The following FOXP1 variants were observed in gnomAD, a reference collection of about 807,000 sequenced individuals.
The protein encoded by FOXP1 is forkhead box protein P1.
Under a neutral mutation model 98.2 loss-of-function variants are expected in FOXP1, and 15 were observed. That is an observed-to-expected ratio of 0.15 (90% CI 0.10 to 0.24). The LOEUF (loss-of-function observed/expected upper bound fraction) is 0.24, where lower values mean the gene tolerates loss of function less well. FOXP1 is among the 10% of genes least tolerant of loss of function. FOXP1 has a pLI of 1.00. For missense variants in FOXP1, 633 were observed against 848.5 expected, an observed-to-expected ratio of 0.75 and a Z score of 3.15; for synonymous variants, 371 against 314.5, an observed-to-expected ratio of 1.18 and a Z score of -1.90.
At chr3:71,014,310 C>T (rs1045585710) in intron 12 of FOXP1, among the ~76,000 whole-genome samples, 1 of 152,142 alleles carries the variant, frequency 6.6e-6, no homozygotes, top group African/African-American at 2.4e-5. Flanking sequence ...AATCAAACAA[C>T]CCCATCAAAA....
At chr3:70,964,932 C>T (rs1000665329) in intron 20 of FOXP1, among the ~76,000 whole-genome samples, 1 of 152,198 alleles carries the variant, frequency 6.6e-6, no homozygotes, top group Non-Finnish European at 1.5e-5. Context: ...GTCATAATTT[C>T]CATTCCGATC....
At chr3:71,148,038 T>C (rs903134262) in intron 6 of FOXP1, among the ~76,000 whole-genome samples, 2 of 152,132 alleles carry the variant, frequency 1.3e-5, no homozygotes, top group African/African-American at 4.8e-5. Context: ...TAAATCAATA[T>C]GGAAATAAAT....
At chr3:70,973,445 C>G (rs1359485310) in intron 17 of FOXP1, among the ~76,000 whole-genome samples, 8 of 152,142 alleles carry the variant, frequency 5.3e-5, no homozygotes, top group Non-Finnish European at 1.2e-4. Flanking sequence ...GGTTAAAAGT[C>G]CTTTCTGGCC....
chr3:71,112,417 C>T, intron 7 of FOXP1, 119 bp downstream of exon 7: 1 of 856,610 alleles, frequency 1.2e-6, no homozygotes, highest in Non-Finnish European at 1.9e-6. Flanking sequence ...ACCAAAAATG[C>T]ACTTTCCACA....
chr3:71,433,854 G>T (rs768005402), intron 3 of FOXP1, among the ~76,000 whole-genome samples: 11 of 152,192 alleles, frequency 7.2e-5, no homozygotes, highest in Non-Finnish European at 8.8e-5. Context: ...TACCTGCATT[G>T]TCTGCCATCC....
At chr3:71,137,844 G>A (rs1356222275) in intron 6 of FOXP1, among the ~76,000 whole-genome samples, 1 of 150,424 alleles carries the variant, frequency 6.6e-6, no homozygotes, top group African/African-American at 2.4e-5. Context: ...TAAAGGTAAA[G>A]TTCTAGATTT....
intron 6 of FOXP1, among the ~76,000 whole-genome samples, chr3:71,128,936 C>T (rs926080953): frequency 2.6e-5 from 4 of 151,864 alleles, no homozygotes; most frequent in Admixed American, 2.6e-4. Flanking sequence ...TATCATAAGA[C>T]AATGCATTTA....
chr3:71,182,873 A>G (rs2062412123), intron 6 of FOXP1, among the ~76,000 whole-genome samples: 1 of 151,680 alleles, frequency 6.6e-6, no homozygotes, highest in African/African-American at 2.4e-5. Context: ...CTATAATCCC[A>G]TTAACAGACC....
At chr3:70,993,234 A>G (rs2040875803) in intron 13 of FOXP1, among the ~76,000 whole-genome samples, 1 of 149,622 alleles carries the variant, frequency 6.7e-6, no homozygotes, top group Non-Finnish European at 1.5e-5. Context: ...GGTGTAGATG[A>G]TTTGGGAGAT....
At chr3:71,098,704 G>A (rs753177395) in intron 7 of FOXP1, among the ~76,000 whole-genome samples, 8 of 152,082 alleles carry the variant, frequency 5.3e-5, no homozygotes, top group Admixed American at 2.0e-4. Flanking sequence ...CTTTATGTCA[G>A]GAATGGTGCG....
chr3:71,069,072 A>G lies in FOXP1; in HGVS notation c.283-15299T>C, dbSNP rs73838151. Among the ~76,000 whole-genome samples the G allele has an allele frequency of 6.1e-3, 922 of 152,344 alleles. 15 individuals carry two copies. Among genetic ancestry groups the G allele is most frequent in the African/African-American group, 0.021 (885 of 41,580 alleles). On this transcript the variant is annotated intron_variant, in intron 7 of 20. Coordinates refer to ENST00000649528, the MANE Select transcript of FOXP1 (RefSeq NM_001349338.3). Reference sequence around the variant, plus strand: ...TATTGATATTGTTTATGTCACTGTTATGCATATGTTGACAATGAAGCTAAT... The same window carrying G: ...TATTGATATTGTTTATGTCACTGTTGTGCATATGTTGACAATGAAGCTAAT...
intron 5 of FOXP1, among the ~76,000 whole-genome samples, chr3:71,292,979 CA>C (rs1315610580): frequency 1.3e-5 from 2 of 152,284 alleles, no homozygotes; most frequent in East Asian, 3.9e-4. Flanking sequence ...ACTACAGCTT[CA>C]ACTTTTAAAT....
chr3:71,144,521 G>A (rs2060213987), intron 6 of FOXP1, among the ~76,000 whole-genome samples: 1 of 152,202 alleles, frequency 6.6e-6, no homozygotes, highest in Admixed American at 6.5e-5. Context: ...TGGGTTGGCA[G>A]AAAAGTGGGC....
In FOXP1 at chr3:71,133,393, G is replaced by C. The variant is rs186367811; in HGVS notation, c.181-20756C>G. Among the ~76,000 whole-genome samples, 710 of 152,320 alleles carry C rather than the reference G, an allele frequency of 4.7e-3. 2 individuals carry two copies. The highest frequency in any genetic ancestry group is 7.3e-3 in the Non-Finnish European group (494 of 68,026). On this transcript the variant is annotated intron_variant, in intron 6 of 20. Coordinates refer to ENST00000649528, the MANE Select transcript of FOXP1 (RefSeq NM_001349338.3). The stretch of plus-strand genomic sequence containing the variant: ...ATTGTCTGCTCAGGGCCATGGAATA[G>C]TCGTCTCGCTCTGGGCCTCTTCCTC...
At chr3:71,318,076 T>C (rs2075180756) in intron 4 of FOXP1, among the ~76,000 whole-genome samples, 1 of 152,024 alleles carries the variant, frequency 6.6e-6, no homozygotes, top group African/African-American at 2.4e-5. Flanking sequence ...TGTACACTGG[T>C]ACAATTAAGA....
intron 3 of FOXP1, among the ~76,000 whole-genome samples, chr3:71,405,716 G>GTACT (rs1402784829): frequency 1.3e-5 from 2 of 151,888 alleles, no homozygotes; most frequent in African/African-American, 4.8e-5. Flanking sequence ...CCAGGCAACA[G>GTACT]TATTTATTTA....
At chr3:71,367,438 A>G (rs574665539) in intron 3 of FOXP1, among the ~76,000 whole-genome samples, 1 of 152,246 alleles carries the variant, frequency 6.6e-6, no homozygotes, top group South Asian at 2.1e-4. Context: ...GTCCTGTATG[A>G]CCTGACCCCT....
chr3:71,478,539 A>C (rs889144080), intron 3 of FOXP1, among the ~76,000 whole-genome samples: 2 of 152,228 alleles, frequency 1.3e-5, no homozygotes, highest in African/African-American at 4.8e-5. Context: ...AGGTTGACTG[A>C]TGAACAAGTA....
At chr3:70,992,585 C>T (rs753526638) in intron 13 of FOXP1, among the ~76,000 whole-genome samples, 1 of 152,124 alleles carries the variant, frequency 6.6e-6, no homozygotes, top group Non-Finnish European at 1.5e-5. Flanking sequence ...CACCAACTAC[C>T]GCATTCAGGT....
Sources: allele counts gnomAD v4.1 joint callset (sites outside exome capture counted in the v4.1 genomes callset), GRCh38; gene constraint gnomAD v4.1.1; transcripts MANE v1.5; gene names NCBI Gene and HGNC (gene_info 2026-07-23, HGNC 2026-07-21).